Variants in CDH13 observed in about 807,000 individuals in gnomAD.
CDH13 encodes cadherin 13, also known as cadherin-13.
Under a neutral mutation model 63.8 loss-of-function variants are expected in CDH13, and 24 were observed. That is an observed-to-expected ratio of 0.38 (90% CI 0.27 to 0.53). The LOEUF is 0.53. Ranked by LOEUF, CDH13 falls within the 20% of genes least tolerant of loss-of-function variation. The pLI, the probability that CDH13 is intolerant of heterozygous loss-of-function variation, is 0.85. For missense variants in CDH13, 1,049 were observed against 903.1 expected (o/e 1.16, Z -2.07); for synonymous variants, 503 against 355.3 (o/e 1.42, Z -4.67).
At chr16:83,129,914 C>G (rs1282545315) in intron 4 of CDH13, among the ~76,000 whole-genome samples, 3 of 152,158 alleles carry the variant, frequency 2.0e-5, no homozygotes, top group South Asian at 4.1e-4. Flanking sequence ...ACCTCATTTC[C>G]TGAACTAGCA....
chr16:82,664,776 T>G (rs1052211193), intron 1 of CDH13, among the ~76,000 whole-genome samples: 1 of 152,238 alleles, frequency 6.6e-6, no homozygotes, highest in Non-Finnish European at 1.5e-5. Flanking sequence ...TGGCAGTTTT[T>G]GATATGAAAC....
At chr16:83,637,201 T>C (rs989231912) in intron 8 of CDH13, among the ~76,000 whole-genome samples, 7 of 152,272 alleles carry the variant, frequency 4.6e-5, no homozygotes, top group African/African-American at 1.4e-4. Context: ...ATTTCCATTG[T>C]AAACAACATT....
intron 4 of CDH13, among the ~76,000 whole-genome samples, chr16:83,166,300 G>A (rs2037666118): frequency 6.6e-6 from 1 of 152,076 alleles, no homozygotes; most frequent in African/African-American, 2.4e-5. Context: ...CTAACATGGT[G>A]TTTAAGCAGG....
chr16:83,339,030 GGCTGTGCAGGAAGACCCACAGGGC>G (rs2090664390), intron 5 of CDH13, among the ~76,000 whole-genome samples: 2 of 152,172 alleles, frequency 1.3e-5, no homozygotes. Flanking sequence ...AGGCAGTCAT[GGCTGTGCAGGAAGACCCACAGGGC>G]GCCTTGCACA....
rs1914132838 is a variant in CDH13 at position 83,011,346 on chromosome 16, G to T, written c.158-20664G>T. 2.0e-5 allele frequency among the ~76,000 whole-genome samples: 3 copies of T among 152,152 alleles called. No individual in the cohort carries two copies. The South Asian group carries it at 6.2e-4, about 32-fold the overall frequency. On this transcript the variant is annotated intron_variant, in intron 2 of 13. Transcript: ENST00000567109. ...TAGCACACTGTTCAGCTCATGGAAA[G>T]GGCTGAATAAATATTAAATATAAAC...
intron 7 of CDH13, among the ~76,000 whole-genome samples, chr16:83,528,777 T>C (rs1252538446): frequency 6.6e-6 from 1 of 152,202 alleles, no homozygotes; most frequent in East Asian, 1.9e-4. Flanking sequence ...TATTCTAATT[T>C]CTAAATCCAT....
At chr16:83,679,753 G>A (rs1365615871) in intron 10 of CDH13, among the ~76,000 whole-genome samples, 1 of 152,234 alleles carries the variant, frequency 6.6e-6, no homozygotes, top group Non-Finnish European at 1.5e-5. Context: ...ACAAAGGTAG[G>A]ATGTCTCCAG....
chr16:83,101,039 ATTAT>A (rs2034450207), intron 3 of CDH13, among the ~76,000 whole-genome samples: 1 of 152,140 alleles, frequency 6.6e-6, no homozygotes, highest in Non-Finnish European at 1.5e-5. Flanking sequence ...AAGGACAAAA[ATTAT>A]TTGTCAAATA....
chr16:83,024,221 T>G (rs1184595729), intron 2 of CDH13, among the ~76,000 whole-genome samples: 1 of 152,166 alleles, frequency 6.6e-6, no homozygotes, highest in Admixed American at 6.5e-5. Context: ...AGGACAAACT[T>G]TTTTAGTGGA....
intron 6 of CDH13, among the ~76,000 whole-genome samples, chr16:83,475,450 C>G (rs955472599): frequency 6.6e-6 from 1 of 152,166 alleles, no homozygotes; most frequent in South Asian, 2.1e-4. Context: ...AGGATCTGCC[C>G]CTTGAAGTGA....
chr16:82,750,236 A>G (rs1260902967), intron 1 of CDH13, among the ~76,000 whole-genome samples: 1 of 152,142 alleles, frequency 6.6e-6, no homozygotes, highest in Non-Finnish European at 1.5e-5. Flanking sequence ...AGAAATAAGA[A>G]TATCTTTATT....
intron 5 of CDH13, among the ~76,000 whole-genome samples, chr16:83,294,451 G>C (rs1331763891): frequency 6.6e-6 from 1 of 152,056 alleles, no homozygotes; most frequent in African/African-American, 2.4e-5. Flanking sequence ...ACTTCTGTGA[G>C]CTCAACATTT....
intron 1 of CDH13, among the ~76,000 whole-genome samples, chr16:82,671,003 A>G (rs1326644593): frequency 6.6e-6 from 1 of 152,220 alleles, no homozygotes; most frequent in Admixed American, 6.5e-5. Flanking sequence ...TTGTTTAACT[A>G]TGTGTCATAC....
chr16:82,638,237 G>T (rs1428199981), intron 1 of CDH13, among the ~76,000 whole-genome samples: 1 of 152,044 alleles, frequency 6.6e-6, no homozygotes, highest in Non-Finnish European at 1.5e-5. Context: ...ATGTGCTGGA[G>T]CAGAATTAGA....
intron 2 of CDH13, among the ~76,000 whole-genome samples, chr16:82,939,841 T>C (rs1007391669): frequency 3.9e-5 from 6 of 152,204 alleles, no homozygotes; most frequent in African/African-American, 1.4e-4. Context: ...TATATTTCAT[T>C]CCACTATAGG....
rs183266520 is a variant in CDH13 at position 83,359,914 on chromosome 16, G to A, written c.781+14908G>A. Among the ~76,000 whole-genome samples the A allele has an allele frequency of 2.0e-5, 3 of 152,284 alleles. No individual in the cohort carries two copies. In the East Asian group the frequency reaches 5.8e-4, roughly 29 times the overall value. On this transcript the variant is annotated intron_variant, in intron 6 of 13. Transcript: ENST00000567109. ...AGTTTTGAACATTTCTATTATCCCA[G>A]AATGGAACCCTGTAGCCATTAGACG...
intron 10 of CDH13, among the ~76,000 whole-genome samples, chr16:83,697,474 T>C (rs981595605): frequency 2.0e-5 from 3 of 152,234 alleles, no homozygotes; most frequent in Non-Finnish European, 2.9e-5. Flanking sequence ...AGGATAACCT[T>C]CCTTCAGGCA....
chr16:83,061,337 A>T (rs867090313), intron 3 of CDH13, among the ~76,000 whole-genome samples: 20 of 151,804 alleles, frequency 1.3e-4, no homozygotes, highest in African/African-American at 4.4e-4. Flanking sequence ...CTTTGTCCGG[A>T]TGAGTGGATT....
chr16:83,097,674 G>A (rs906298813), intron 3 of CDH13, among the ~76,000 whole-genome samples: 1 of 152,164 alleles, frequency 6.6e-6, no homozygotes, highest in African/African-American at 2.4e-5. Context: ...TGTGGGAAGT[G>A]CACTCTAGGT....
Sources: gnomAD v4.1 joint callset for allele counts (sites outside exome capture counted in the v4.1 genomes callset) on GRCh38, gnomAD v4.1.1 for gene constraint, MANE v1.5 for transcripts, NCBI Gene and HGNC (gene_info 2026-07-23, HGNC 2026-07-21) for gene names.